Variants in ME3 observed in about 807,000 individuals in gnomAD.
ME3 encodes the protein NADP-dependent malic enzyme, mitochondrial.
Under a neutral mutation model 68.9 loss-of-function variants are expected in ME3, and 48 were observed. That is an observed-to-expected ratio of 0.70 (90% confidence interval 0.55 to 0.89). The LOEUF is 0.89. Among genes scored for constraint, ME3 ranks in the 40% least tolerant of loss-of-function variants. ME3 has a pLI of 0.00. For synonymous variants in ME3, 320 were observed against 318.8 expected, an observed-to-expected ratio of 1.00 and a Z score of -0.04; for missense variants, 675 against 797.4, an observed-to-expected ratio of 0.85 and a Z score of 1.85.
intron 14 of ME3, 79 bp from the exon 15 acceptor site, chr11:86,441,519 GAGGGGAATACACCTTA>G: frequency 7.2e-7 from 1 of 1,384,280 alleles, no homozygotes; most frequent in South Asian, 1.5e-5. Context: ...GAGCATGGGG[GAGGGGAATACACCTTA>G]AGGAACCAGA....
chr11:86,544,309 C>A (rs572832170), intron 4 of ME3, among the ~76,000 whole-genome samples: 1 of 152,086 alleles, frequency 6.6e-6, no homozygotes, highest in East Asian at 1.9e-4. Flanking sequence ...AAGATCAGAG[C>A]AGAACTGAAG....
chr11:86,550,778 A>G (rs982699422), intron 4 of ME3, among the ~76,000 whole-genome samples: 2 of 151,922 alleles, frequency 1.3e-5, no homozygotes, highest in African/African-American at 4.8e-5. Context: ...CTGTGTTGTG[A>G]TGTGCTCAAA....
At chr11:86,653,497 T>G (rs1201058921) in intron 2 of ME3, among the ~76,000 whole-genome samples, 1 of 152,200 alleles carries the variant, frequency 6.6e-6, no homozygotes, top group Non-Finnish European at 1.5e-5. Context: ...GAATGACTAC[T>G]GGGTACATAA....
Position 86,600,349 on chromosome 11 carries a change from CAAAG to C in ME3, c.184-40530_184-40527del, listed in dbSNP as rs1224436628. On this transcript the variant is annotated intron_variant, in intron 2 of 14. Coordinates refer to ENST00000543262, the Ensembl canonical transcript of ME3. ...CTAAACCAACAAAGATCAAAAGAGA[CAAAG>C]AAGGCCATTACATAATGGTGAAGGG... Among the ~76,000 whole-genome samples the C allele has an allele frequency of 1.2e-4, 18 of 152,136 alleles. 1 individual carries two copies. The highest frequency in any genetic ancestry group is 1.1e-3 in the Admixed American group (17 of 15,276).
chr11:86,435,072 A>G, the ME3 span: 4 of 152,360 alleles, frequency 2.6e-5, no homozygotes, highest in East Asian at 3.9e-4. Context: ...GCATCCAACA[A>G]TGGGAGAATA....
chr11:86,512,971 T>C (rs1953647531), intron 4 of ME3, among the ~76,000 whole-genome samples: 1 of 152,192 alleles, frequency 6.6e-6, no homozygotes, highest in Admixed American at 6.5e-5. Context: ...AAAGGAAATC[T>C]CCACTTGAAG....
intron 4 of ME3, among the ~76,000 whole-genome samples, chr11:86,510,013 T>C (rs773499290): frequency 5.9e-5 from 9 of 152,066 alleles, no homozygotes; most frequent in Non-Finnish European, 1.2e-4. Context: ...TAAAACAAAA[T>C]AAAACACCAA....
chr11:86,476,328 C>T (rs1248106059), intron 7 of ME3, among the ~76,000 whole-genome samples: 1 of 152,192 alleles, frequency 6.6e-6, no homozygotes, highest in Non-Finnish European at 1.5e-5. Context: ...AGAGACAACA[C>T]ATTTAAGGAG....
chr11:86,468,419 CATCCATCCATCCTTGATTT>C lies in ME3; in HGVS notation c.810-3238_810-3220del, dbSNP rs1468534058. 6.6e-5 allele frequency among the ~76,000 whole-genome samples: 10 copies of C among 152,246 alleles called. 1 individual carries two copies. In the South Asian group the frequency reaches 1.7e-3, roughly 25 times the overall value. Reference sequence around the variant, plus strand: ...ATTCATCATCCATCCATCCATCCATCATCCATCCATCCTTGATTTATCCATCCATCCATTCACCCATCCA... The same window carrying C: ...ATTCATCATCCATCCATCCATCCATCATCCATCCATCCATTCACCCATCCA... On this transcript the variant is annotated intron_variant, in intron 7 of 14. Coordinates refer to ENST00000543262, the Ensembl canonical transcript of ME3.
chr11:86,549,850 G>A (rs1053700410), intron 4 of ME3, among the ~76,000 whole-genome samples: 3 of 152,158 alleles, frequency 2.0e-5, no homozygotes, highest in Non-Finnish European at 4.4e-5. Flanking sequence ...TGGGTGGTGG[G>A]GCTGAACAAT....
In ME3 at chr11:86,458,121, G is replaced by A. The variant is rs562692036; in HGVS notation, c.919+6970C>T. On this transcript the variant is annotated intron_variant, in intron 8 of 14. Transcript: ENST00000543262. ...GCTATGAGGCCACACCTGCTTCCAC[G>A]ATCCATAAGAATTACCTTTCTACAG... 9.8e-5 allele frequency among the ~76,000 whole-genome samples: 15 copies of A among 152,320 alleles called. No individual in the cohort carries two copies. The South Asian group carries it at 3.1e-3, about 32-fold the overall frequency.
At chr11:86,542,515 G>A (rs1001190728) in intron 4 of ME3, among the ~76,000 whole-genome samples, 1 of 152,138 alleles carries the variant, frequency 6.6e-6, no homozygotes, top group South Asian at 2.1e-4. Flanking sequence ...CAATACACAA[G>A]TATCAACAGC....
At chr11:86,657,664 T>C (rs1339263952) in intron 2 of ME3, among the ~76,000 whole-genome samples, 1 of 152,190 alleles carries the variant, frequency 6.6e-6, no homozygotes, top group Non-Finnish European at 1.5e-5. Flanking sequence ...ATTACATGCT[T>C]GCTATGGTAT....
chr11:86,550,415 G>T (rs1442753431), intron 4 of ME3, among the ~76,000 whole-genome samples: 3 of 152,124 alleles, frequency 2.0e-5, no homozygotes, highest in African/African-American at 7.2e-5. Flanking sequence ...ATGATTGAGG[G>T]CAAGAACCCA....
chr11:86,531,706 G>A (rs183309577), intron 4 of ME3, among the ~76,000 whole-genome samples: 3,173 of 152,044 alleles, frequency 0.021, 100 homozygotes, highest in African/African-American at 0.072. Context: ...GTAGGGACAT[G>A]GATGAAGCTG....
chr11:86,589,974 C>T (rs1958966070), intron 2 of ME3, among the ~76,000 whole-genome samples: 1 of 152,120 alleles, frequency 6.6e-6, no homozygotes, highest in African/African-American at 2.4e-5. Flanking sequence ...GTGTTTTTAG[C>T]CTCTATCCCC....
At chr11:86,618,111 C>T (rs960077862) in intron 2 of ME3, among the ~76,000 whole-genome samples, 4 of 151,688 alleles carry the variant, frequency 2.6e-5, no homozygotes, top group African/African-American at 9.7e-5. Context: ...CCAGCCTGGG[C>T]AACATAGCAA....
At chr11:86,484,456 C>G (rs1157846143) in intron 7 of ME3, among the ~76,000 whole-genome samples, 3 of 152,102 alleles carry the variant, frequency 2.0e-5, no homozygotes, top group Non-Finnish European at 4.4e-5. Context: ...ACCATCAATC[C>G]ATCATGTTTT....
intron 4 of ME3, among the ~76,000 whole-genome samples, chr11:86,535,212 AC>A (rs1565916626): frequency 1.3e-5 from 2 of 151,932 alleles, no homozygotes; most frequent in Non-Finnish European, 2.9e-5. Context: ...ACTACTTCTT[AC>A]CTCCACTCCC....
Sources: allele counts gnomAD v4.1 joint callset (sites outside exome capture counted in the v4.1 genomes callset), GRCh38; gene constraint gnomAD v4.1.1; transcripts MANE v1.5; gene names NCBI Gene and HGNC (gene_info 2026-07-23, HGNC 2026-07-21).